ILF2: variants seen among roughly 807,000 people sequenced by gnomAD.
The protein encoded by ILF2 is interleukin enhancer binding factor 2.
A neutral mutation model predicts 55.3 loss-of-function variants in ILF2; 9 were observed. The ratio of observed to expected loss-of-function variants is 0.16; its 90% confidence interval spans 0.10 to 0.28. ILF2 has a LOEUF of 0.28. Among genes scored for constraint, ILF2 ranks in the 10% least tolerant of loss-of-function variants. The probability of loss-of-function intolerance (pLI) is 1.00; values close to 1 mark genes in which losing one functional copy is unlikely to be tolerated. For missense variants in ILF2, 266 were observed against 474.9 expected, an observed-to-expected ratio of 0.56 and a Z score of 4.09; for synonymous variants, 151 against 161.8, an observed-to-expected ratio of 0.93 and a Z score of 0.50.
chr1:153,666,238 C>A (rs1341800685), intron 6 of ILF2, among the ~76,000 whole-genome samples: 2 of 152,020 alleles, frequency 1.3e-5, no homozygotes, highest in Admixed American at 1.3e-4. Flanking sequence ...AGCTGAAGTG[C>A]ACTGGCACGA....
chr1:153,668,635 C>A, intron 3 of ILF2, 78 bp from the exon 4 acceptor site: 1 of 1,474,512 alleles, frequency 6.8e-7, no homozygotes, highest in Admixed American at 2.5e-5. Flanking sequence ...ATTACTACGA[C>A]AGAAAAAGGT....
chr1:153,664,916 AAATCACT>A (rs1323290232), intron 8 of ILF2, among the ~76,000 whole-genome samples: 1 of 152,218 alleles, frequency 6.6e-6, no homozygotes, highest in East Asian at 1.9e-4. Flanking sequence ...ACTTGTCTAA[AAATCACT>A]AGAAACATGC....
At chr1:153,668,223 T>A in intron 4 of ILF2, 146 bp from the exon 5 acceptor site, 4 of 784,832 alleles carry the variant, frequency 5.1e-6, no homozygotes, top group Non-Finnish European at 8.2e-6. Flanking sequence ...GCCTTGAATA[T>A]ATGGGAAGAG....
chr1:153,662,928 G>A, intron 12 of ILF2, 91 bp downstream of exon 12: 8 of 1,326,388 alleles, frequency 6.0e-6, no homozygotes, highest in Non-Finnish European at 8.6e-6. Flanking sequence ...CCAAATTCCT[G>A]ACCCGTAAAG....
At chr1:153,666,018 T>C (rs1459683823) in intron 6 of ILF2, among the ~76,000 whole-genome samples, 1 of 152,112 alleles carries the variant, frequency 6.6e-6, no homozygotes, top group Admixed American at 6.6e-5. Context: ...GTGATGGGGA[T>C]GTAGGATGTT....
Position 153,663,989 on chromosome 1 carries a change from CTACTACTAG to C in ILF2, c.744+45_744+53del, listed in dbSNP as rs1225969633. The stretch of plus-strand genomic sequence containing the variant: ...ACTACTACTACTACTACTACTACTA[CTACTACTAG>C]TAAATAAGGATGATGAGGAACTCCA... On this transcript the variant is annotated intron_variant, in intron 10 of 13. Transcript: ENST00000361891. 4.6e-5 allele frequency: 40 copies of C among 875,506 alleles called. 1 individual carries two copies. Among genetic ancestry groups the C allele is most frequent in the Non-Finnish European group, 6.0e-5 (32 of 532,706 alleles). The allele number at this position is 875,506 out of a possible 1,614,324, so 54.2% of individuals were successfully genotyped here.
Position 153,662,477 on chromosome 1 carries a change from C to T in ILF2, c.1092G>A (p.Lys364=), listed in dbSNP as rs1243643096. The T allele has an allele frequency of 1.9e-6, 3 of 1,613,708 alleles. No homozygotes were observed. Among genetic ancestry groups the T allele is most frequent in the Admixed American group, 3.3e-5 (2 of 59,988 alleles). ...SEKAYEKPPE[K]KEGEEEEENT... ...TCTCCTCTTCTTCCTCTCCTTCCTT[C>T]TTCTCTGGTGGCTTCTCATAAGCCT... The change falls in exon 14 of 14, where the codon AAG becomes AAA. Residue 364 remains lysine, a synonymous_variant. Transcript: ENST00000361891.
rs1259052527 is a variant in ILF2, at chr1:153,664,437, G to A, written c.615C>T (p.Ile205=). The part of the protein sequence containing the change: ...IKVLQSALAA[I]RHARWFEENA... ...TTTCCTCGAACCAGCGGGCATGTCG[G>A]ATGGCTGCTAAGGCACTCTGCAATA... The change falls in exon 9 of 14, where the codon ATC becomes ATT. Residue 205 remains isoleucine (I), a synonymous_variant. Coordinates refer to ENST00000361891, the MANE Select transcript of ILF2 (RefSeq NM_004515.4). 1 of 1,613,930 alleles carries A rather than the reference G, an allele frequency of 6.2e-7. No individual in the cohort carries two copies. The highest frequency in any genetic ancestry group is 1.3e-5 in the African/African-American group (1 of 74,916).
At chr1:153,666,356 A>G (rs372741068) in intron 6 of ILF2, among the ~76,000 whole-genome samples, 73 of 151,544 alleles carry the variant, frequency 4.8e-4, no homozygotes, top group Admixed American at 4.5e-3. Context: ...GCTAATTTTT[A>G]TATTTTTGGT....
chr1:153,670,955 C>T lies in ILF2; in HGVS notation c.-33G>A, dbSNP rs767656442. 4.3e-6 allele frequency: 7 copies of T among 1,614,212 alleles called. No homozygotes were observed. Among genetic ancestry groups the T allele is most frequent in the South Asian group, 1.1e-5 (1 of 91,084 alleles). Reference sequence around the variant, plus strand: ...TAAAACACGAACAATGGAGGCCGCACCAACCGCCCCTTCCTCTGAGTAGCA... The same window carrying T: ...TAAAACACGAACAATGGAGGCCGCATCAACCGCCCCTTCCTCTGAGTAGCA... On this transcript the variant is annotated 5_prime_UTR_variant, in exon 1 of 14. In the 5' UTR this introduces an upstream ATG that the reference lacks. Coordinates refer to ENST00000361891, the MANE Select transcript of ILF2 (RefSeq NM_004515.4).
rs4351684 is a variant in ILF2, at chr1:153,664,384, A to G, written c.656+12T>C. The G allele has an allele frequency of 0.56, 897,439 of 1,602,944 alleles. 255,797 individuals are homozygous for G. Among genetic ancestry groups the G allele is most frequent in the Admixed American group, 0.74 (44,215 of 59,962 alleles). On this transcript the variant is annotated intron_variant, in intron 9 of 13. Transcript: ENST00000361891. Reference sequence around the variant, plus strand: ...AGTTTATCTTAATCCAAATGGTTAGAGAGGGACTCACGTGGACTGAGAAGC... The same window carrying G: ...AGTTTATCTTAATCCAAATGGTTAGGGAGGGACTCACGTGGACTGAGAAGC...
Position 153,667,546 on chromosome 1 carries a change from C to A in ILF2, c.394+9G>T. The A allele has an allele frequency of 3.8e-6, 6 of 1,568,998 alleles. No individual in the cohort carries two copies. Among genetic ancestry groups the A allele is most frequent in the Non-Finnish European group, 2.6e-6 (3 of 1,138,806 alleles). On this transcript the variant is annotated intron_variant, in intron 6 of 13. Coordinates refer to ENST00000361891, the MANE Select transcript of ILF2 (RefSeq NM_004515.4). The stretch of plus-strand genomic sequence containing the variant: ...TTCTGTTCCCATGACCAGAAACAGG[C>A]ACACTCACACGTTGGCAGAATCTTG...
intron 1 of ILF2, 106 bp downstream of exon 1, chr1:153,670,812 G>GC (rs1323463793): frequency 8.1e-6 from 11 of 1,359,150 alleles, no homozygotes; most frequent in Non-Finnish European, 8.4e-6. Flanking sequence ...TTTTTGGCCA[G>GC]CCCCCGGATA....
rs146876548 is a variant in ILF2, at chr1:153,662,268, A to G, written c.*128T>C. ...CAAAACCCAGTGGAATGACACTTCT[A>G]TGGAGTTTACTTTTCTTCCTGCTAT... On this transcript the variant is annotated 3_prime_UTR_variant, in exon 14 of 14. Transcript: ENST00000361891. 1,285 of 1,178,966 alleles carry G rather than the reference A, an allele frequency of 1.1e-3. 15 individuals carry two copies. The East Asian group carries it at 0.024, about 22-fold the overall frequency. The allele number at this position is 1,178,966 out of a possible 1,614,324, so 73.0% of individuals were successfully genotyped here.
At chr1:153,670,390 C>T (rs1285715337) in intron 1 of ILF2, among the ~76,000 whole-genome samples, 160 bp from the exon 2 acceptor site, 1 of 152,138 alleles carries the variant, frequency 6.6e-6, no homozygotes, top group East Asian at 1.9e-4. Flanking sequence ...CAGTTACACC[C>T]CCATAACCTC....
chr1:153,662,783 A>G lies in ILF2; in HGVS notation c.934T>C (p.Tyr312His), dbSNP rs1390986642. ...MTLEQQDMVC[Y>H]TAQTLVRILS... ...ATTCGGACGAGAGTCTGAGCTGTATAGCAGACCATGTCCTGAAGGAAAGCA... is the reference window on the plus strand; with the variant it reads ...ATTCGGACGAGAGTCTGAGCTGTATGGCAGACCATGTCCTGAAGGAAAGCA... Residue 312 changes from tyrosine to histidine, a missense_variant, in exon 13 of 14, where the codon TAT becomes CAT. Transcript: ENST00000361891. 3 of 1,614,018 alleles carry G rather than the reference A, an allele frequency of 1.9e-6. No individual in the cohort carries two copies. The highest frequency in any genetic ancestry group is 2.5e-6 in the Non-Finnish European group (3 of 1,179,948).
chr1:153,667,794 A>G, intron 5 of ILF2, 137 bp from the exon 6 acceptor site: 1 of 699,136 alleles, frequency 1.4e-6, no homozygotes. Context: ...CAAAACCACC[A>G]CATGAAAGCC....
Position 153,662,331 on chromosome 1 carries a change from G to C in ILF2, c.*65C>G, listed in dbSNP as rs761680959. The C allele has an allele frequency of 6.2e-7, 1 of 1,602,900 alleles. No individual in the cohort carries two copies. Among genetic ancestry groups the C allele is most frequent in the Non-Finnish European group, 8.5e-7 (1 of 1,174,516 alleles). ...ACGGAAATGTCTGTCACCATGTAAAGCCCAGTAGCAGGCAGCTTAGGCTCC... is the reference window on the plus strand; with the variant it reads ...ACGGAAATGTCTGTCACCATGTAAACCCCAGTAGCAGGCAGCTTAGGCTCC... On this transcript the variant is annotated 3_prime_UTR_variant, in exon 14 of 14. Coordinates refer to ENST00000361891, the MANE Select transcript of ILF2 (RefSeq NM_004515.4).
In ILF2 at chr1:153,670,903, C is replaced by T; in HGVS notation, c.5+15G>A. On this transcript the variant is annotated intron_variant, in intron 1 of 13. Transcript: ENST00000361891. The stretch of plus-strand genomic sequence containing the variant: ...TCGAATACCTGAAACCTTTCGACCG[C>T]TTCGACCCACTTACCTCATGGCGCC... The T allele has an allele frequency of 6.2e-7, 1 of 1,614,204 alleles. No homozygotes were observed. Among genetic ancestry groups the T allele is most frequent in the Non-Finnish European group, 8.5e-7 (1 of 1,180,026 alleles).
Sources: gnomAD v4.1 joint callset for allele counts (sites outside exome capture counted in the v4.1 genomes callset) on GRCh38, gnomAD v4.1.1 for gene constraint, MANE v1.5 for transcripts, NCBI Gene and HGNC (gene_info 2026-07-23, HGNC 2026-07-21) for gene names.